SASS6: variants seen among roughly 807,000 people sequenced by gnomAD.
SASS6 encodes SAS-6 centriolar assembly protein.
In SASS6, 59 loss-of-function variants were observed where a neutral mutation model predicts 94.9. The ratio of observed to expected loss-of-function variants is 0.62; its 90% confidence interval spans 0.50 to 0.77. The LOEUF (loss-of-function observed/expected upper bound fraction) is 0.77. SASS6 is among the 30% of genes least tolerant of loss of function. The probability of loss-of-function intolerance (pLI) is 0.00; values close to 1 mark genes in which losing one functional copy is unlikely to be tolerated. For synonymous variants in SASS6, 264 were observed against 270.0 expected (o/e 0.98, Z 0.22); for missense variants, 698 against 734.1 (o/e 0.95, Z 0.57).
At chr1:100,122,840 C>T (rs569255460) in intron 3 of SASS6, among the ~76,000 whole-genome samples, 8 of 152,112 alleles carry the variant, frequency 5.3e-5, no homozygotes, top group South Asian at 2.1e-4. Context: ...CGTGAGCCAC[C>T]GTGCCTGGCC....
chr1:100,131,849 A>G (rs985432700), intron 1 of SASS6, among the ~76,000 whole-genome samples: 1 of 152,156 alleles, frequency 6.6e-6, no homozygotes, highest in African/African-American at 2.4e-5. Context: ...CTCATTACAA[A>G]CACGTGAATA....
intron 7 of SASS6, 65 bp from the exon 8 acceptor site, chr1:100,110,548 A>G (rs1653247146): frequency 8.9e-6 from 7 of 789,700 alleles, no homozygotes; most frequent in Non-Finnish European, 1.3e-5. Flanking sequence ...AAATACAGAA[A>G]GATTTGAACA....
chr1:100,099,994 C>T (rs1557882867), intron 14 of SASS6, among the ~76,000 whole-genome samples: 1 of 152,164 alleles, frequency 6.6e-6, no homozygotes, highest in African/African-American at 2.4e-5. Context: ...AAGCCAGGCA[C>T]AGAGGCTCAT....
chr1:100,107,895 A>G lies in SASS6; in HGVS notation c.971T>C (p.Val324Ala), dbSNP rs779894059. The G allele has an allele frequency of 9.3e-6, 15 of 1,612,382 alleles. No homozygotes were observed. Among genetic ancestry groups the G allele is most frequent in the Non-Finnish European group, 1.2e-5 (14 of 1,178,798 alleles). ...CTTGATTTCCTGTTCTAAAACTGCC[A>G]CTTTTGTTTGTAGCTGATTAACGTG... ...EKHVNQLQTKVAVLEQEIKDK... is the reference protein window; with the variant it reads ...EKHVNQLQTKAAVLEQEIKDK... The change falls in exon 9 of 17, where the codon GTG (valine) becomes GCG (alanine). Residue 324 changes from valine (V) to alanine (A), a missense_variant. Physicochemically the swap from Val to Ala is moderately conservative, Grantham distance 64. Coordinates refer to ENST00000287482, the MANE Select transcript of SASS6 (RefSeq NM_194292.3).
chr1:100,111,000 C>T (rs1653285924), intron 7 of SASS6, among the ~76,000 whole-genome samples: 1 of 151,982 alleles, frequency 6.6e-6, no homozygotes, highest in South Asian at 2.1e-4. Context: ...TTTTTACCAA[C>T]AATAAAATTT....
chr1:100,089,557 T>A (rs1057120152), intron 14 of SASS6, among the ~76,000 whole-genome samples: 3 of 152,110 alleles, frequency 2.0e-5, no homozygotes, highest in African/African-American at 7.2e-5. Context: ...ACTACTGACA[T>A]CTTGCCAGAA....
chr1:100,119,468 A>G (rs1036956880), intron 6 of SASS6, among the ~76,000 whole-genome samples: 2 of 152,238 alleles, frequency 1.3e-5, no homozygotes, highest in Non-Finnish European at 2.9e-5. Flanking sequence ...TATAAAACCC[A>G]GTAACATGGC....
At chr1:100,100,087 G>A (rs1652366129) in intron 14 of SASS6, among the ~76,000 whole-genome samples, 1 of 152,060 alleles carries the variant, frequency 6.6e-6, no homozygotes, top group Admixed American at 6.6e-5. Flanking sequence ...CCAACATGGT[G>A]AAACCCCGTC....
chr1:100,094,638 C>T (rs897210550), intron 14 of SASS6, among the ~76,000 whole-genome samples: 36 of 152,078 alleles, frequency 2.4e-4, no homozygotes, highest in African/African-American at 8.7e-4. Context: ...GCGGATCACC[C>T]ACCTCTGACC....
chr1:100,126,014 G>T, intron 1 of SASS6, 72 bp from the exon 2 acceptor site: 1 of 780,772 alleles, frequency 1.3e-6, no homozygotes, highest in Non-Finnish European at 2.1e-6. Flanking sequence ...TTTGTATTAA[G>T]TTTTCAGTCT....
At chr1:100,086,505 ATGATT>A (rs1285025060) in intron 15 of SASS6, among the ~76,000 whole-genome samples, 8 of 137,616 alleles carry the variant, frequency 5.8e-5, no homozygotes, top group African/African-American at 2.2e-4. Context: ...TCTGTCTATA[ATGATT>A]TGATTTTTTT....
chr1:100,096,708 G>T (rs1172528590), intron 14 of SASS6, among the ~76,000 whole-genome samples: 2 of 152,128 alleles, frequency 1.3e-5, no homozygotes, highest in African/African-American at 4.8e-5. Context: ...GTTTAGCAAT[G>T]GTCAAAAGAT....
At chr1:100,092,007 C>CAAA (rs34503110) in intron 14 of SASS6, among the ~76,000 whole-genome samples, 596 of 50,018 alleles carry the variant, frequency 0.012, 23 homozygotes, top group African/African-American at 0.017. Context: ...GACCCTGTCT[C>CAAA]AAAAAAAAAA....
chr1:100,122,715 G>A (rs1219823109), intron 3 of SASS6, among the ~76,000 whole-genome samples: 1 of 151,776 alleles, frequency 6.6e-6, no homozygotes, highest in African/African-American at 2.4e-5. Context: ...ACCATACCTG[G>A]CTAATTTTTG....
intron 3 of SASS6, 100 bp downstream of exon 3, chr1:100,123,110 A>G (rs1278333382): frequency 5.3e-6 from 3 of 565,044 alleles, no homozygotes; most frequent in Admixed American, 3.8e-5. Flanking sequence ...CAAAGTAACT[A>G]AATCTAATAT....
intron 14 of SASS6, among the ~76,000 whole-genome samples, chr1:100,098,335 C>A (rs889567260): frequency 6.6e-6 from 1 of 151,634 alleles, no homozygotes; most frequent in African/African-American, 2.4e-5. Flanking sequence ...GGAGGCTGAG[C>A]CAGGAGGATC....
rs1654113633 is a variant in SASS6, at chr1:100,120,545, T to G, written c.484-86A>C. On this transcript the variant is annotated intron_variant, in intron 5 of 16. Coordinates refer to ENST00000287482, the MANE Select transcript of SASS6 (RefSeq NM_194292.3). ...TCAAAGTATAGCATCAGCATCATCC[T>G]GGAAGCCTGTTAGAAATGCAGATTC... 3 of 645,090 alleles carry G rather than the reference T, an allele frequency of 4.7e-6. No homozygotes were observed. The South Asian group carries it at 5.5e-5, about 12-fold the overall frequency. 40.0% of individuals were successfully genotyped at this position (645,090 alleles called of 1,614,324 possible).
In SASS6 at chr1:100,090,761, G is replaced by C. The variant is rs142850378; in HGVS notation, c.1675-2525C>G. Among the ~76,000 whole-genome samples, 250 of 152,148 alleles carry C rather than the reference G, an allele frequency of 1.6e-3. 3 individuals carry two copies. The highest frequency in any genetic ancestry group is 5.6e-3 in the African/African-American group (233 of 41,504). On this transcript the variant is annotated intron_variant, in intron 14 of 16. Transcript: ENST00000287482. ...AGGAAACCTAGGCCTATATTTTCTAGCCAGAAGACCAGGAAGGGGGACCCT... is the reference window on the plus strand; with the variant it reads ...AGGAAACCTAGGCCTATATTTTCTACCCAGAAGACCAGGAAGGGGGACCCT...
At chr1:100,089,323 C>T (rs978995908) in intron 14 of SASS6, among the ~76,000 whole-genome samples, 2 of 151,846 alleles carry the variant, frequency 1.3e-5, no homozygotes, top group African/African-American at 2.4e-5. Flanking sequence ...AAAAAGAGAA[C>T]AAAACAGAAA....
Sources: gnomAD v4.1 joint callset for allele counts (sites outside exome capture counted in the v4.1 genomes callset) on GRCh38, gnomAD v4.1.1 for gene constraint, MANE v1.5 for transcripts, NCBI Gene and HGNC (gene_info 2026-07-23, HGNC 2026-07-21) for gene names.